The following PCDHGA5 variants were observed in gnomAD, a reference collection of about 807,000 sequenced individuals.
PCDHGA5 encodes protocadherin gamma-A5.
Under a neutral mutation model 56.7 loss-of-function variants are expected in PCDHGA5, and 36 were observed. The ratio of observed to expected loss-of-function variants is 0.64; its 90% CI spans 0.49 to 0.84. The LOEUF is 0.84. Among genes scored for constraint, PCDHGA5 ranks in the 40% least tolerant of loss-of-function variants. The pLI is 0.00. For missense variants in PCDHGA5, 1,305 were observed against 1,201.5 expected (o/e 1.09, Z -1.27); for synonymous variants, 563 against 520.2 (o/e 1.08, Z -1.12).
At chr5:141,502,621 A>G (rs918589202) in intron 2 of PCDHGA5, among the ~76,000 whole-genome samples, 3 of 152,162 alleles carry the variant, frequency 2.0e-5, no homozygotes, top group African/African-American at 7.2e-5. Context: ...AAATATAAGT[A>G]ATCTGTGGAT....
At chr5:141,417,710 TC>T (rs1471403767) in intron 1 of PCDHGA5, 1 of 1,249,228 alleles carries the variant, frequency 8.0e-7, no homozygotes, top group Non-Finnish European at 1.1e-6. Flanking sequence ...ACACAGAGGC[TC>T]CCGGCTGCGC....
chr5:141,399,872 A>G (rs759178048), intron 1 of PCDHGA5: 2 of 1,612,652 alleles, frequency 1.2e-6, no homozygotes, highest in Non-Finnish European at 1.7e-6. Flanking sequence ...GAGCCCGGCT[A>G]CCTGGTGACC....
intron 1 of PCDHGA5, among the ~76,000 whole-genome samples, chr5:141,436,469 G>A (rs376024456): frequency 6.6e-6 from 1 of 152,304 alleles, no homozygotes; most frequent in East Asian, 1.9e-4. Flanking sequence ...ATTTTCAGAT[G>A]TATCATAGAA....
chr5:141,456,139 C>T (rs999574407), intron 1 of PCDHGA5, among the ~76,000 whole-genome samples: 20 of 152,010 alleles, frequency 1.3e-4, no homozygotes, highest in Admixed American at 9.8e-4. Context: ...CCTCCTGATC[C>T]GCCCGCCTCG....
chr5:141,383,930 C>T lies in PCDHGA5; in HGVS notation c.2421+17179C>T. 7 of 1,613,800 alleles carry T rather than the reference C, an allele frequency of 4.3e-6. No homozygotes were observed. Among genetic ancestry groups the T allele is most frequent in the Non-Finnish European group, 5.9e-6 (7 of 1,179,786 alleles). ...ACAGTTTTAGATGTAAATGATAATG[C>T]TCCAGAAGTGACTATGACGTCTTTA... On this transcript the variant is annotated intron_variant, in intron 1 of 3. Coordinates refer to ENST00000518069, the MANE Select transcript of PCDHGA5 (RefSeq NM_018918.3).
At chr5:141,398,611 A>G (rs2093677658) in intron 1 of PCDHGA5, 4 of 1,613,944 alleles carry the variant, frequency 2.5e-6, no homozygotes, top group African/African-American at 1.3e-5. Context: ...AGATGCAGAT[A>G]TTGGCTTAAA....
chr5:141,430,830 G>C, intron 1 of PCDHGA5: 1 of 1,554,968 alleles, frequency 6.4e-7, no homozygotes, highest in Non-Finnish European at 8.7e-7. Context: ...GGGACTCTGT[G>C]GGAGACCGGA....
intron 1 of PCDHGA5, chr5:141,383,242 A>C: frequency 1.9e-6 from 3 of 1,613,970 alleles, no homozygotes; most frequent in Non-Finnish European, 2.5e-6. Flanking sequence ...AGATAAAATG[A>C]ATCTTTACCC....
At chr5:141,409,435 C>T in intron 1 of PCDHGA5, 2 of 1,613,994 alleles carry the variant, frequency 1.2e-6, no homozygotes, top group Non-Finnish European at 1.7e-6. Context: ...GAGCCCTGGA[C>T]CGAGAGCAGA....
intron 1 of PCDHGA5, chr5:141,385,154 C>G (rs761681846): frequency 6.2e-7 from 1 of 1,614,208 alleles, no homozygotes; most frequent in Non-Finnish European, 8.5e-7. Flanking sequence ...TTCCTGCAGA[C>G]CTATTCCCAT....
At chr5:141,409,936 A>G in intron 1 of PCDHGA5, 2 of 1,613,064 alleles carry the variant, frequency 1.2e-6, no homozygotes, top group Non-Finnish European at 1.7e-6. Context: ...TCGATATGGT[A>G]CCTCGCTCTG....
chr5:141,384,606 A>G (rs770325322), intron 1 of PCDHGA5: 1 of 1,614,152 alleles, frequency 6.2e-7, no homozygotes, highest in Admixed American at 1.7e-5. Context: ...CCCTCCCCAC[A>G]GATGGTTCTA....
At chr5:141,502,547 C>G (rs1340258642) in intron 2 of PCDHGA5, among the ~76,000 whole-genome samples, 2 of 152,156 alleles carry the variant, frequency 1.3e-5, no homozygotes, top group East Asian at 3.8e-4. Context: ...GTGGTAAAAA[C>G]AGTGTCCCAG....
intron 1 of PCDHGA5, chr5:141,402,800 C>A: frequency 9.3e-7 from 1 of 1,072,728 alleles, no homozygotes; most frequent in Non-Finnish European, 1.3e-6. Flanking sequence ...ACACAAAACC[C>A]GGCAGATACC....
Position 141,432,427 on chromosome 5 carries a change from C to T in PCDHGA5, c.2422-62380C>T, listed in dbSNP as rs775150918. 2.2e-5 allele frequency: 36 copies of T among 1,614,124 alleles called. No homozygotes were observed. The highest frequency in any genetic ancestry group is 3.1e-5 in the Non-Finnish European group (36 of 1,180,044). ...TGAGCCTGTTCGTGCTGGACCAGAA[C>T]GACAATGCGCCCGAGATCCTGTACC... On this transcript the variant is annotated intron_variant, in intron 1 of 3. Transcript: ENST00000518069. This position sits in a 1 kb window ranked among gnomAD's most constrained non-coding sequence, Gnocchi z 6.0.
chr5:141,447,738 A>C (rs1365302023), intron 1 of PCDHGA5, among the ~76,000 whole-genome samples: 7 of 152,216 alleles, frequency 4.6e-5, no homozygotes, highest in Non-Finnish European at 8.8e-5. Context: ...ATTGAACTTA[A>C]GAGTCTTGCA....
chr5:141,384,352 G>T, intron 1 of PCDHGA5: 1 of 1,613,842 alleles, frequency 6.2e-7, no homozygotes, highest in Non-Finnish European at 8.5e-7. Flanking sequence ...TGAGGATAAT[G>T]CCCAGATCAC....
rs372648693 is a variant in PCDHGA5, at chr5:141,417,997, G to A, written c.2421+51246G>A. 244 of 1,613,872 alleles carry A rather than the reference G, an allele frequency of 1.5e-4. No homozygotes were observed. The Middle Eastern group carries it at 3.5e-3, about 23-fold the overall frequency. On this transcript the variant is annotated intron_variant, in intron 1 of 3. Transcript: ENST00000518069. ...CGGAGGAGCTGGCCAAGGGCTCGGT[G>A]GTGGGGAACCTCGCTAAGGATCTAG...
rs755936344 is a variant in PCDHGA5, at chr5:141,490,704, C to T, written c.2422-4103C>T. ...ATCCAGACACTGGGGATAATGCCCG[C>T]CTCACCTACTCCATTGTAGGAAATC... On this transcript the variant is annotated intron_variant, in intron 1 of 3. Transcript: ENST00000518069. The surrounding 1 kb of genome is among the most constrained non-coding windows in gnomAD (Gnocchi z 5.4). 6.2e-7 allele frequency: 1 copy of T among 1,614,166 alleles called. No homozygotes were observed.
Sources: allele counts gnomAD v4.1 joint callset (sites outside exome capture counted in the v4.1 genomes callset), GRCh38; gene constraint gnomAD v4.1.1; non-coding constraint Gnocchi (gnomAD v3.1); transcripts MANE v1.5; gene names NCBI Gene and HGNC (gene_info 2026-07-23, HGNC 2026-07-21).